The following LRP1B variants were observed in gnomAD, a reference collection of about 807,000 sequenced individuals.
The protein encoded by LRP1B is LDL receptor related protein 1B.
A neutral mutation model predicts 556.6 loss-of-function variants in LRP1B; 217 were observed. That is an observed-to-expected ratio of 0.39 (90% CI 0.35 to 0.44). The LOEUF is 0.44. Among genes scored for constraint, LRP1B ranks in the 20% least tolerant of loss-of-function variants. LRP1B has a pLI of 1.00. For missense variants in LRP1B, 5,053 were observed against 5,620.8 expected (o/e 0.90, Z 3.23); for synonymous variants, 2,047 against 1,865.8 (o/e 1.10, Z -2.50).
chr2:141,411,294 C>A (rs1161251299), intron 3 of LRP1B, among the ~76,000 whole-genome samples: 2 of 151,962 alleles, frequency 1.3e-5, no homozygotes, highest in African/African-American at 4.8e-5. Context: ...ACAAAGGAAA[C>A]AAAACTTCTG....
chr2:141,648,206 G>C (rs754990576), intron 2 of LRP1B, among the ~76,000 whole-genome samples: 1 of 152,150 alleles, frequency 6.6e-6, no homozygotes, highest in African/African-American at 2.4e-5. Flanking sequence ...CCTGCAATGA[G>C]GATGCCTGAA....
At chr2:141,786,197 A>G (rs1876596) in intron 2 of LRP1B, among the ~76,000 whole-genome samples, 6,455 of 152,050 alleles carry the variant, frequency 0.042, 467 homozygotes, top group African/African-American at 0.15. Context: ...GGCACTTATG[A>G]TGGCAACTTT....
At chr2:141,447,050 A>G (rs1681220903) in intron 3 of LRP1B, among the ~76,000 whole-genome samples, 1 of 152,054 alleles carries the variant, frequency 6.6e-6, no homozygotes, top group Admixed American at 6.6e-5. Flanking sequence ...AGGTATGCCA[A>G]TCAAATGTAG....
chr2:141,409,740 T>TA (rs1010787594), intron 3 of LRP1B, among the ~76,000 whole-genome samples: 36 of 152,036 alleles, frequency 2.4e-4, no homozygotes, highest in African/African-American at 7.7e-4. Context: ...AATAAGGCCA[T>TA]AAAAAATCTC....
At chr2:141,224,182 G>A (rs1251743004) in intron 6 of LRP1B, among the ~76,000 whole-genome samples, 3 of 151,954 alleles carry the variant, frequency 2.0e-5, no homozygotes, top group Non-Finnish European at 2.9e-5. Context: ...TAAAAAGTGA[G>A]CAAAGGACAT....
At chr2:142,014,808 G>T (rs1011441092) in intron 1 of LRP1B, among the ~76,000 whole-genome samples, 1 of 152,056 alleles carries the variant, frequency 6.6e-6, no homozygotes, top group Non-Finnish European at 1.5e-5. Flanking sequence ...ACATGGTGAG[G>T]CAGGAACAAG....
chr2:140,972,076 A>C (rs1416437073), intron 18 of LRP1B, among the ~76,000 whole-genome samples: 1 of 152,192 alleles, frequency 6.6e-6, no homozygotes, highest in East Asian at 1.9e-4. Context: ...ATATCCCTCG[A>C]GGCTTTAACC....
intron 32 of LRP1B, among the ~76,000 whole-genome samples, chr2:140,784,187 A>G (rs2104969529): frequency 6.6e-6 from 1 of 152,242 alleles, no homozygotes; most frequent in East Asian, 1.9e-4. Flanking sequence ...ATCTCCCACC[A>G]TAATGTTCAA....
intron 57 of LRP1B, among the ~76,000 whole-genome samples, chr2:140,488,560 A>C (rs1341705293): frequency 6.6e-6 from 1 of 151,998 alleles, no homozygotes; most frequent in Non-Finnish European, 1.5e-5. Context: ...GGATCTAGGA[A>C]TCTTTTAGCT....
In LRP1B at chr2:140,276,276, G is replaced by T. The variant is rs2104956231; in HGVS notation, c.12968-1678C>A. On this transcript the variant is annotated intron_variant, in intron 84 of 90. Coordinates refer to ENST00000389484, the MANE Select transcript of LRP1B (RefSeq NM_018557.3). Reference sequence around the variant, plus strand: ...ACAAATTAAATTTATTGACAGACTTGCTTCATATTTATGGAAATTTATTTC... The same window carrying T: ...ACAAATTAAATTTATTGACAGACTTTCTTCATATTTATGGAAATTTATTTC... Among the ~76,000 whole-genome samples, 4 of 152,000 alleles carry T rather than the reference G, an allele frequency of 2.6e-5. 1 individual carries two copies. Among genetic ancestry groups the T allele is most frequent in the Middle Eastern group, 6.8e-3 (2 of 294 alleles).
At chr2:141,377,471 A>G (rs1689477724) in intron 3 of LRP1B, among the ~76,000 whole-genome samples, 1 of 151,992 alleles carries the variant, frequency 6.6e-6, no homozygotes, top group Non-Finnish European at 1.5e-5. Flanking sequence ...GTTCTAATTT[A>G]TTTTTCTAAA....
intron 41 of LRP1B, among the ~76,000 whole-genome samples, chr2:140,659,860 A>G (rs1378272225): frequency 6.6e-6 from 1 of 152,130 alleles, no homozygotes; most frequent in Non-Finnish European, 1.5e-5. Flanking sequence ...TTTAAGAGTC[A>G]AGAAAAATAG....
At chr2:141,471,002 G>A (rs772302758) in intron 3 of LRP1B, among the ~76,000 whole-genome samples, 2 of 151,952 alleles carry the variant, frequency 1.3e-5, no homozygotes, top group African/African-American at 4.8e-5. Flanking sequence ...TCATGTTGTC[G>A]ATTTTGACTT....
At chr2:141,136,270 T>C (rs1423905098) in intron 7 of LRP1B, among the ~76,000 whole-genome samples, 2 of 151,900 alleles carry the variant, frequency 1.3e-5, no homozygotes, top group African/African-American at 2.4e-5. Context: ...AAATAGATCA[T>C]AGGTAAAAAG....
chr2:141,868,434 G>T (rs1288479651), intron 1 of LRP1B, among the ~76,000 whole-genome samples: 4 of 152,070 alleles, frequency 2.6e-5, no homozygotes, highest in Non-Finnish European at 5.9e-5. Flanking sequence ...ATTCATATGG[G>T]CCTTTTGTTG....
chr2:140,487,998 A>T (rs1558917018), intron 57 of LRP1B, among the ~76,000 whole-genome samples: 1 of 152,060 alleles, frequency 6.6e-6, no homozygotes, highest in East Asian at 1.9e-4. Context: ...AATGGTTTTA[A>T]ATAAATAGCC....
intron 7 of LRP1B, among the ~76,000 whole-genome samples, chr2:141,119,260 T>G (rs1349122841): frequency 1.3e-5 from 2 of 151,890 alleles, no homozygotes; most frequent in Non-Finnish European, 2.9e-5. Flanking sequence ...TAAAGCCTTC[T>G]AAACTGAAAA....
chr2:141,100,201 A>T (rs1700424312), intron 7 of LRP1B, among the ~76,000 whole-genome samples: 1 of 152,188 alleles, frequency 6.6e-6, no homozygotes, highest in South Asian at 2.1e-4. Flanking sequence ...CCTTAGTACT[A>T]ACACTTCTGA....
At chr2:142,089,186 T>A (rs562702208) in intron 1 of LRP1B, among the ~76,000 whole-genome samples, 22 of 149,944 alleles carry the variant, frequency 1.5e-4, no homozygotes, top group African/African-American at 4.9e-4. Flanking sequence ...AAGACCTAAA[T>A]GATAGTTATT....
Sources: gnomAD v4.1 joint callset for allele counts (sites outside exome capture counted in the v4.1 genomes callset) on GRCh38, gnomAD v4.1.1 for gene constraint, MANE v1.5 for transcripts, NCBI Gene and HGNC (gene_info 2026-07-23, HGNC 2026-07-21) for gene names.